Variants in ING3 observed in about 807,000 individuals in gnomAD.
ING3 encodes the protein inhibitor of growth protein 3.
ING3 carries 6 observed loss-of-function variants against 64.8 expected under a neutral mutation model. That is an observed-to-expected ratio of 0.09 (90% CI 0.05 to 0.18). ING3 has a LOEUF of 0.18. Ranked by LOEUF, ING3 falls within the 10% of genes least tolerant of loss-of-function variation. The probability of loss-of-function intolerance (pLI) is 1.00; values close to 1 mark genes in which losing one functional copy is unlikely to be tolerated. For missense variants in ING3, 310 were observed against 489.7 expected, an observed-to-expected ratio of 0.63 and a Z score of 3.46; for synonymous variants, 170 against 173.7, an observed-to-expected ratio of 0.98 and a Z score of 0.17.
In ING3 at chr7:120,964,783, G is replaced by A; in HGVS notation, c.309G>A (p.Lys103=). 1 of 1,613,728 alleles carries A rather than the reference G, an allele frequency of 6.2e-7. No individual in the cohort carries two copies. Among genetic ancestry groups the A allele is most frequent in the Non-Finnish European group, 8.5e-7 (1 of 1,179,730 alleles). Residue 103 remains lysine (K), a synonymous_variant, in exon 5 of 12, where the codon AAG becomes AAA. Transcript: ENST00000315870. ...HLRKLDQELA[K]FKMELEADNA... ...GAAAGCTGGATCAGGAACTGGCTAA[G>A]TTTAAAATGGAGCTGGAAGCTGATA...
chr7:120,968,193 T>G, intron 8 of ING3, 102 bp downstream of exon 8: 1 of 1,027,668 alleles, frequency 9.7e-7, no homozygotes, highest in Non-Finnish European at 1.4e-6. Flanking sequence ...TCTAACGTTG[T>G]ATATTTTCAT....
At chr7:120,974,203 G>A (rs1210829101) in intron 11 of ING3, among the ~76,000 whole-genome samples, 1 of 136,506 alleles carries the variant, frequency 7.3e-6, no homozygotes, top group East Asian at 1.9e-4. Context: ...TGAGTGCTAA[G>A]ACTTTCATGA....
At chr7:120,958,059 A>G (rs1232614338) in intron 4 of ING3, among the ~76,000 whole-genome samples, 1 of 152,138 alleles carries the variant, frequency 6.6e-6, no homozygotes, top group Non-Finnish European at 1.5e-5. Context: ...TCCTGAAGCC[A>G]CTGCTTCCCT....
chr7:120,953,936 T>C (rs181498786), intron 3 of ING3, among the ~76,000 whole-genome samples: 2 of 152,226 alleles, frequency 1.3e-5, no homozygotes, highest in African/African-American at 4.8e-5. Flanking sequence ...CTTCCAGAAT[T>C]GAATGAGTAT....
In ING3 at chr7:120,950,938, G is replaced by A; in HGVS notation, c.28+14G>A. The A allele has an allele frequency of 6.2e-7, 1 of 1,612,358 alleles. No homozygotes were observed. On this transcript the variant is annotated intron_variant, in intron 1 of 11. Transcript: ENST00000315870. Reference sequence around the variant, plus strand: ...ACTATCTGGAAAGTGAGTGCGCGGCGCTGGCGGCGGCCGCCAGTGGGACGT... The same window carrying A: ...ACTATCTGGAAAGTGAGTGCGCGGCACTGGCGGCGGCCGCCAGTGGGACGT...
At chr7:120,966,311 C>T (rs1314799454) in intron 5 of ING3, among the ~76,000 whole-genome samples, 3 of 152,152 alleles carry the variant, frequency 2.0e-5, no homozygotes, top group Admixed American at 2.0e-4. Context: ...AATGAGATTA[C>T]AATGTCCATT....
Position 120,955,639 on chromosome 7 carries a change from T to C in ING3, c.267+15T>C, listed in dbSNP as rs897241457. The C allele has an allele frequency of 6.7e-7, 1 of 1,499,502 alleles. No homozygotes were observed. The highest frequency in any genetic ancestry group is 1.7e-5 in the Admixed American group (1 of 59,784). The allele number at this position is 1,499,502 out of a possible 1,614,324, so 92.9% of individuals were successfully genotyped here. On this transcript the variant is annotated intron_variant, in intron 4 of 11. Transcript: ENST00000315870. ...TATATGACTTGGTAAGTAAAAGTAA[T>C]GTGCATACTGTGCCATAAGTACTTG...
In ING3 at chr7:120,966,655, C is replaced by G; in HGVS notation, c.394C>G (p.Pro132Ala). The change falls in exon 6 of 12, where the codon CCA becomes GCA. Residue 132 changes from proline to alanine, a missense_variant. Physicochemically the swap from Pro to Ala is conservative, Grantham distance 27. Transcript: ENST00000315870. ...RSLELDTPSQ[P>A]VNNHHAHSHT... ...TTTGGAATTAGACACTCCTTCACAG[C>G]CAGTGAACAATCACCATGCTCATTC... 1 of 1,613,374 alleles carries G rather than the reference C, an allele frequency of 6.2e-7. No individual in the cohort carries two copies. The highest frequency in any genetic ancestry group is 8.5e-7 in the Non-Finnish European group (1 of 1,179,352).
At chr7:120,957,447 C>T (rs777002969) in intron 4 of ING3, among the ~76,000 whole-genome samples, 4 of 151,262 alleles carry the variant, frequency 2.6e-5, no homozygotes, top group South Asian at 4.1e-4. Context: ...GTGGGGCAGA[C>T]ATACCTGCAA....
intron 10 of ING3, 120 bp from the exon 11 acceptor site, chr7:120,973,085 G>T: frequency 2.3e-6 from 1 of 443,180 alleles, no homozygotes. Flanking sequence ...GATTCTCAAT[G>T]TAATTGTATA....
chr7:120,972,483 C>G (rs1019548854), intron 10 of ING3, among the ~76,000 whole-genome samples: 9 of 151,992 alleles, frequency 5.9e-5, no homozygotes, highest in Admixed American at 2.0e-4. Context: ...TGCAAAAGAA[C>G]AAAATCAGAC....
rs180882312 is a variant in ING3 at position 120,975,470 on chromosome 7, T to C, written c.*626T>C. The C allele has an allele frequency of 4.0e-5, 6 of 148,246 alleles. No homozygotes were observed. Among genetic ancestry groups the C allele is most frequent in the African/African-American group, 1.5e-4 (6 of 39,968 alleles). 9.2% of individuals were successfully genotyped at this position (148,246 alleles called of 1,614,324 possible). ...AAACTCCTGTAGGTAAAAAGTAATT[T>C]GTGCCATTAGTCTTTCTATGTTTCT... On this transcript the variant is annotated 3_prime_UTR_variant, in exon 12 of 12. Coordinates refer to ENST00000315870, the MANE Select transcript of ING3 (RefSeq NM_019071.3).
Position 120,950,875 on chromosome 7 carries a change from T to C in ING3, c.-22T>C. The C allele has an allele frequency of 4.3e-6, 7 of 1,613,530 alleles. No individual in the cohort carries two copies. The highest frequency in any genetic ancestry group is 5.9e-6 in the Non-Finnish European group (7 of 1,179,760). On this transcript the variant is annotated 5_prime_UTR_variant, in exon 1 of 12. Transcript: ENST00000315870. ...CAAATAAACCCCTGGACCCCCTTGT[T>C]CCCTCAGCTCTAAGGGCCGCGATGT...
At chr7:120,959,888 G>A (rs111809353) in intron 4 of ING3, among the ~76,000 whole-genome samples, 2 of 151,514 alleles carry the variant, frequency 1.3e-5, no homozygotes, top group African/African-American at 2.4e-5. Context: ...CTCGTGATCC[G>A]CCCGCCTCGG....
chr7:120,965,385 A>G (rs543841203), intron 5 of ING3, among the ~76,000 whole-genome samples: 2 of 152,310 alleles, frequency 1.3e-5, no homozygotes, highest in Non-Finnish European at 2.9e-5. Flanking sequence ...CTCCTGCTAT[A>G]ACTTACCCCT....
In ING3 at chr7:120,976,316, A is replaced by G. The variant is rs1430844831; in HGVS notation, c.*1472A>G. ...TATGAGCTTCTTAGAACTTATTCAG[A>G]TAACAGTGTAAAATCTATGCAGTGC... On this transcript the variant is annotated 3_prime_UTR_variant, in exon 12 of 12. Coordinates refer to ENST00000315870, the MANE Select transcript of ING3 (RefSeq NM_019071.3). 2 of 152,124 alleles carry G rather than the reference A, an allele frequency of 1.3e-5. No individual in the cohort carries two copies. Among genetic ancestry groups the G allele is most frequent in the Non-Finnish European group, 2.9e-5 (2 of 67,992 alleles). The allele number at this position is 152,124 out of a possible 1,614,324, so 9.4% of individuals were successfully genotyped here.
chr7:120,955,652 C>G (rs1270949130), intron 4 of ING3, 28 bp downstream of exon 4: 9 of 1,425,184 alleles, frequency 6.3e-6, no homozygotes, highest in Non-Finnish European at 8.9e-6. Flanking sequence ...GCATACTGTG[C>G]CATAAGTACT....
chr7:120,954,526 GA>G (rs1358579985), intron 3 of ING3, among the ~76,000 whole-genome samples: 4 of 151,956 alleles, frequency 2.6e-5, no homozygotes, highest in Non-Finnish European at 5.9e-5. Context: ...CACATGGAGG[GA>G]AGATTGTTTC....
chr7:120,967,510 A>T lies in ING3; in HGVS notation c.437-19A>T. ...TTCTCTAAAGTTTAAAAACACATGA[A>T]TTTTTTATTTATATTTAGAAAGGAA... On this transcript the variant is annotated intron_variant, in intron 6 of 11. Coordinates refer to ENST00000315870, the MANE Select transcript of ING3 (RefSeq NM_019071.3). 1 of 1,491,900 alleles carries T rather than the reference A, an allele frequency of 6.7e-7. No individual in the cohort carries two copies. The highest frequency in any genetic ancestry group is 9.1e-7 in the Non-Finnish European group (1 of 1,094,590). The allele number at this position is 1,491,900 out of a possible 1,614,324, so 92.4% of individuals were successfully genotyped here. A position where few individuals can be genotyped will look rare whatever the true frequency, so the allele number is the denominator to read the frequency against.
Sources: allele counts gnomAD v4.1 joint callset (sites outside exome capture counted in the v4.1 genomes callset), GRCh38; gene constraint gnomAD v4.1.1; transcripts MANE v1.5; gene names NCBI Gene and HGNC (gene_info 2026-07-23, HGNC 2026-07-21).